Variants in TRIM77 observed in about 807,000 individuals in gnomAD.
The protein encoded by TRIM77 is tripartite motif-containing protein 77.
TRIM77 carries 23 observed loss-of-function variants against 31.8 expected under a neutral mutation model. The ratio of observed to expected loss-of-function variants is 0.72; its 90% CI spans 0.52 to 1.02. The LOEUF (loss-of-function observed/expected upper bound fraction) is 1.02. Ranked by LOEUF, TRIM77 falls within the 50% of genes least tolerant of loss-of-function variation. The pLI, the probability that TRIM77 is intolerant of heterozygous loss-of-function variation, is 0.00. For missense variants in TRIM77, 446 were observed against 539.2 expected, an observed-to-expected ratio of 0.83 and a Z score of 1.71; for synonymous variants, 159 against 183.1, an observed-to-expected ratio of 0.87 and a Z score of 1.06.
chr11:89,717,537 A>T lies in TRIM77; in HGVS notation c.1018A>T (p.Lys340Ter). 1 of 1,551,568 alleles carries T rather than the reference A, an allele frequency of 6.4e-7. No individual in the cohort carries two copies. Among genetic ancestry groups the T allele is most frequent in the East Asian group, 2.4e-5 (1 of 40,902 alleles). Residue 340 changes from lysine to a stop codon, truncating the protein, a stop_gained, in exon 6 of 6, where the codon AAA becomes TAA. Transcript: ENST00000398290. LOFTEE classifies it low-confidence loss of function (END_TRUNC). Reference protein sequence around the residue: ...SWGAQILSSGKHYWEVDVKDS... With the variant: ...SWGAQILSSG Reference sequence around the variant, plus strand: ...GGGAGCTCAGATCCTCAGCTCTGGCAAACATTACTGGGAGGTGGATGTGAA... The same window carrying T: ...GGGAGCTCAGATCCTCAGCTCTGGCTAACATTACTGGGAGGTGGATGTGAA...
intron 2 of TRIM77, 28 bp from the exon 3 acceptor site, chr11:89,714,164 T>C: frequency 1.4e-6 from 2 of 1,450,888 alleles, no homozygotes; most frequent in South Asian, 1.3e-5. Flanking sequence ...CTTAGACACA[T>C]GATTTAATTA....
chr11:89,711,737 T>A (rs1419976673), intron 2 of TRIM77, among the ~76,000 whole-genome samples: 1 of 152,092 alleles, frequency 6.6e-6, no homozygotes, highest in Non-Finnish European at 1.5e-5. Context: ...CAATAATACA[T>A]CAGCAGTGAC....
chr11:89,714,210 A>G lies in TRIM77; in HGVS notation c.526A>G (p.Ser176Gly). Reference protein sequence around the residue: ...GTWEVFINLRSMMISAEYPKV... With the variant: ...GTWEVFINLRGMMISAEYPKV... ...ACTACAGGTTTTTATAAATTTGCGG[A>G]GCATGATGATCAGTGCTGAATATCC... The change falls in exon 3 of 6, where the codon AGC (serine) becomes GGC (glycine). Residue 176 changes from serine (S) to glycine (G), a missense_variant. Physicochemically the swap from Ser to Gly is moderately conservative, Grantham distance 56 (BLOSUM62 0). This residue lies in a region of TRIM77 where 366 missense variants were observed against 447.9 expected (regional missense o/e 0.82). Transcript: ENST00000398290. 1 of 1,549,076 alleles carries G rather than the reference A, an allele frequency of 6.5e-7. No homozygotes were observed. Among genetic ancestry groups the G allele is most frequent in the Non-Finnish European group, 8.7e-7 (1 of 1,146,034 alleles).
rs1365509410 is a variant in TRIM77 at position 89,717,860 on chromosome 11, C to T, written c.1341C>T (p.His447=). The change falls in exon 6 of 6, where the codon CAC becomes CAT. Residue 447 remains histidine (H), a synonymous_variant. Coordinates refer to ENST00000398290, the MANE Select transcript of TRIM77 (RefSeq NM_001146162.1). ...TTCCTCTCAGACCTTTCATTTGCCA[C>T]GGATCTAAATAATCAGGGACAGGTC... ...FYFPLRPFIC[H]GSK is the part of the protein sequence containing the mutation. The T allele has an allele frequency of 5.5e-5, 85 of 1,535,056 alleles. No individual in the cohort carries two copies. The highest frequency in any genetic ancestry group is 2.1e-4 in the African/African-American group (15 of 72,750).
rs1419167159 is a variant in TRIM77 at position 89,710,321 on chromosome 11, G to T, written c.23G>T (p.Cys8Phe). The T allele has an allele frequency of 3.3e-6, 5 of 1,538,120 alleles. No homozygotes were observed. In the Admixed American group the frequency reaches 9.9e-5, roughly 30 times the overall value. The change falls in exon 1 of 6, where the codon TGT becomes TTT. Residue 8 changes from cysteine to phenylalanine, a missense_variant. By Grantham distance (205) the Cys-to-Phe change is radical. Around this residue, in one of 3 missense-constraint regions of TRIM77, gnomAD observed 72 missense variants for 64.7 expected, o/e 1.11. Coordinates refer to ENST00000398290, the MANE Select transcript of TRIM77 (RefSeq NM_001146162.1). MASAITQ[C>F]STSELTCSIC... Reference sequence around the variant, plus strand: ...AACATGGCTTCTGCTATCACGCAGTGTTCTACCAGTGAGCTCACCTGCTCG... The same window carrying T: ...AACATGGCTTCTGCTATCACGCAGTTTTCTACCAGTGAGCTCACCTGCTCG...
chr11:89,712,585 G>C (rs936583272), intron 2 of TRIM77, among the ~76,000 whole-genome samples: 7 of 152,172 alleles, frequency 4.6e-5, no homozygotes, highest in African/African-American at 1.7e-4. Flanking sequence ...CAGAAGAAAT[G>C]AATCAGTGGC....
At chr11:89,713,296 A>C (rs957886494) in intron 2 of TRIM77, among the ~76,000 whole-genome samples, 1 of 148,796 alleles carries the variant, frequency 6.7e-6, no homozygotes, top group East Asian at 2.0e-4. Context: ...AAAAAAAAAA[A>C]AAGTAATTGA....
In TRIM77 at chr11:89,711,465, G is replaced by T; in HGVS notation, c.467G>T (p.Arg156Ile). Residue 156 changes from arginine to isoleucine, a missense_variant, in exon 2 of 6, where the codon AGA becomes ATA. Coordinates refer to ENST00000398290, the MANE Select transcript of TRIM77 (RefSeq NM_001146162.1). ...SIWKKKQKNQRNLNRETNIIG... is the reference protein window; with the variant it reads ...SIWKKKQKNQINLNRETNIIG... ...TGGAAAAAAAAACAGAAAAATCAAA[G>T]AAATCTAAACAGAGAGACCAACATA... 1 of 1,515,036 alleles carries T rather than the reference G, an allele frequency of 6.6e-7. No homozygotes were observed. The highest frequency in any genetic ancestry group is 8.8e-7 in the Non-Finnish European group (1 of 1,133,232). The allele number at this position is 1,515,036 out of a possible 1,614,324, so 93.8% of individuals were successfully genotyped here.
intron 1 of TRIM77, 41 bp from the exon 2 acceptor site, chr11:89,711,369 T>C: frequency 9.4e-7 from 1 of 1,068,244 alleles, no homozygotes; most frequent in Non-Finnish European, 1.4e-6. Context: ...ATATACTATA[T>C]TTTCTTTTCT....
chr11:89,716,225 A>C (rs950747865), intron 5 of TRIM77, among the ~76,000 whole-genome samples: 2 of 152,012 alleles, frequency 1.3e-5, no homozygotes, highest in African/African-American at 4.8e-5. Context: ...ATTTTAAGTG[A>C]TTAAAAAAAA....
Position 89,716,006 on chromosome 11 carries a change from CTAA to C in TRIM77, c.859+21_859+23del, listed in dbSNP as rs1289733736. 8 of 1,455,534 alleles carry C rather than the reference CTAA, an allele frequency of 5.5e-6. No individual in the cohort carries two copies. In the Admixed American group the frequency reaches 1.2e-4, roughly 22 times the overall value. The allele number at this position is 1,455,534 out of a possible 1,614,324, so 90.2% of individuals were successfully genotyped here. On this transcript the variant is annotated intron_variant, in intron 5 of 5. Coordinates refer to ENST00000398290, the MANE Select transcript of TRIM77 (RefSeq NM_001146162.1). ...TTCAGAGGTAAGAGTGTGAACTGCACTAATGTTTCCAACGTAAGTATTTTTATA... is the reference window on the plus strand; with the variant it reads ...TTCAGAGGTAAGAGTGTGAACTGCACTGTTTCCAACGTAAGTATTTTTATA...
At position 89,713,595 on chromosome 11, in the gene TRIM77, A is replaced by ACAGAG. The variant is rs1949139554; in HGVS notation, c.508-596_508-592dup. Among the ~76,000 whole-genome samples the ACAGAG allele has an allele frequency of 2.0e-5, 3 of 151,802 alleles. No individual in the cohort carries two copies. The South Asian group carries it at 6.2e-4, about 32-fold the overall frequency. The stretch of plus-strand genomic sequence containing the variant: ...AAAGACAAGCCAGGGAAAGAATGAG[A>ACAGAG]CAGAGAAATGGAGCCAGAAAGAGAG... On this transcript the variant is annotated intron_variant, in intron 2 of 5. Coordinates refer to ENST00000398290, the MANE Select transcript of TRIM77 (RefSeq NM_001146162.1).
chr11:89,712,455 T>A (rs1949128806), intron 2 of TRIM77, among the ~76,000 whole-genome samples: 1 of 152,120 alleles, frequency 6.6e-6, no homozygotes, highest in Admixed American at 6.6e-5. Flanking sequence ...GTAAACTTTA[T>A]AATAAATAAT....
At position 89,715,321 on chromosome 11, in the gene TRIM77, T is replaced by C. The variant is rs1949153342; in HGVS notation, c.761+141T>C. The stretch of plus-strand genomic sequence containing the variant: ...TCAAAGGTCATCCAGGCTTTATATA[T>C]TGACTACTTCAGATGAAAGTGAAGG... On this transcript the variant is annotated intron_variant, in intron 4 of 5. Coordinates refer to ENST00000398290, the MANE Select transcript of TRIM77 (RefSeq NM_001146162.1). 3 of 746,406 alleles carry C rather than the reference T, an allele frequency of 4.0e-6. 1 individual carries two copies. The South Asian group carries it at 6.2e-5, about 15-fold the overall frequency. The allele number at this position is 746,406 out of a possible 1,614,324, so 46.2% of individuals were successfully genotyped here. A position where few individuals can be genotyped will look rare whatever the true frequency, so the allele number is the denominator to read the frequency against.
chr11:89,713,980 T>A (rs1949143009), intron 2 of TRIM77, among the ~76,000 whole-genome samples: 1 of 152,024 alleles, frequency 6.6e-6, no homozygotes, highest in African/African-American at 2.4e-5. Context: ...AATGTAAATA[T>A]GGAGGTTTGA....
chr11:89,716,440 C>T (rs189320379), intron 5 of TRIM77, among the ~76,000 whole-genome samples: 141 of 152,230 alleles, frequency 9.3e-4, no homozygotes, highest in African/African-American at 3.3e-3. Flanking sequence ...ACAGGATTCT[C>T]AAAAGCAGAA....
chr11:89,710,694 T>A lies in TRIM77; in HGVS notation c.396T>A (p.Ala132=). Residue 132 remains alanine, a synonymous_variant, in exon 1 of 6, where the codon GCT becomes GCA. Transcript: ENST00000398290. ...ATHKHYMTRE[A]DEYYRKKLLI... ...ACAAACACTATATGACAAGGGAGGC[T>A]GATGAATACTATAGGGTAAGTAAAT... 1 of 1,545,022 alleles carries A rather than the reference T, an allele frequency of 6.5e-7. No homozygotes were observed. Among genetic ancestry groups the A allele is most frequent in the Non-Finnish European group, 8.7e-7 (1 of 1,143,084 alleles).
intron 4 of TRIM77, 56 bp from the exon 5 acceptor site, chr11:89,715,834 G>T (rs1366663938): frequency 8.5e-5 from 98 of 1,153,760 alleles, no homozygotes; most frequent in Non-Finnish European, 1.2e-4. Context: ...CTTATTAGTG[G>T]ATTGCTAATG....
At chr11:89,715,570 A>G (rs1209992091) in intron 4 of TRIM77, among the ~76,000 whole-genome samples, 1 of 152,168 alleles carries the variant, frequency 6.6e-6, no homozygotes, top group Non-Finnish European at 1.5e-5. Context: ...CTCCATATGT[A>G]GCAGGTGGCA....
Sources: allele counts gnomAD v4.1 joint callset (sites outside exome capture counted in the v4.1 genomes callset), GRCh38; gene constraint gnomAD v4.1.1; regional missense constraint gnomAD v4.1.1; transcripts MANE v1.5; gene names NCBI Gene and HGNC (gene_info 2026-07-23, HGNC 2026-07-21).